The following RPS6KA2 variants were observed in gnomAD, a reference collection of about 807,000 sequenced individuals.
The protein encoded by RPS6KA2 is ribosomal protein S6 kinase alpha-2.
In RPS6KA2, 42 loss-of-function variants were observed where a neutral mutation model predicts 91.8. The observed-to-expected ratio is 0.46, with a 90% CI of 0.36 to 0.59. RPS6KA2 has a LOEUF of 0.59. Among genes scored for constraint, RPS6KA2 ranks in the 20% least tolerant of loss-of-function variants. The pLI is 0.00. For missense variants in RPS6KA2, 798 were observed against 978.5 expected (o/e 0.82, Z 2.46); for synonymous variants, 414 against 393.6 (o/e 1.05, Z -0.61).
At chr6:166,772,458 A>G (rs982250238) in intron 2 of RPS6KA2, among the ~76,000 whole-genome samples, 1 of 152,388 alleles carries the variant, frequency 6.6e-6, no homozygotes, top group South Asian at 2.1e-4. Flanking sequence ...GCTGGGATTC[A>G]GACCCACCAG....
intron 2 of RPS6KA2, among the ~76,000 whole-genome samples, chr6:166,634,272 G>T (rs2128547010): frequency 6.6e-6 from 1 of 152,310 alleles, no homozygotes; most frequent in Middle Eastern, 3.4e-3. Context: ...CACAGTGATG[G>T]AGAGCAAGAG....
At chr6:166,556,947 G>GA (rs1224884137) in intron 1 of RPS6KA2, among the ~76,000 whole-genome samples, 2 of 152,238 alleles carry the variant, frequency 1.3e-5, no homozygotes, top group African/African-American at 4.8e-5. Flanking sequence ...GCTGGGCGTG[G>GA]ACTCAGTGTG....
intron 2 of RPS6KA2, among the ~76,000 whole-genome samples, chr6:166,808,651 G>A (rs1779553887): frequency 6.6e-6 from 1 of 152,104 alleles, no homozygotes. Flanking sequence ...GTTCAGTATT[G>A]ACCATATTTA....
chr6:166,789,366 C>T (rs568175522), intron 2 of RPS6KA2, among the ~76,000 whole-genome samples: 5 of 152,358 alleles, frequency 3.3e-5, no homozygotes, highest in East Asian at 3.9e-4. Context: ...CTGGGAAGCT[C>T]GAACTGGGTG....
intron 2 of RPS6KA2, among the ~76,000 whole-genome samples, chr6:166,846,229 C>A (rs1429609754): frequency 2.0e-5 from 3 of 150,370 alleles, no homozygotes; most frequent in Non-Finnish European, 3.0e-5. Flanking sequence ...AAATTGCCAA[C>A]AAAAAAAAAG....
At chr6:166,736,069 T>C (rs1054246846) in intron 2 of RPS6KA2, among the ~76,000 whole-genome samples, 6 of 152,256 alleles carry the variant, frequency 3.9e-5, no homozygotes, top group Non-Finnish European at 7.3e-5. Context: ...CAGCTGATTT[T>C]CTAGTTATTT....
At position 166,666,835 on chromosome 6, in the gene RPS6KA2, ATCAT is replaced by A. The variant is rs1363083023; in HGVS notation, c.124-128055_124-128052del. Among the ~76,000 whole-genome samples the A allele has an allele frequency of 6.6e-5, 10 of 152,264 alleles. No homozygotes were observed. Among genetic ancestry groups the A allele is most frequent in the African/African-American group, 2.4e-4 (10 of 41,464 alleles). ...TTTGTACACTCACATTCATAGCAGC[ATCAT>A]TCACAGTAGCCAAAAGATGGAAGCA... On this transcript the variant is annotated intron_variant, in intron 2 of 21. Transcript: ENST00000503859. The surrounding 1 kb of genome is among the most constrained non-coding windows in gnomAD (Gnocchi z 4.0).
intron 11 of RPS6KA2, among the ~76,000 whole-genome samples, chr6:166,467,082 C>T (rs28567430): frequency 1.4e-5 from 2 of 147,302 alleles, no homozygotes; most frequent in Non-Finnish European, 3.0e-5. Flanking sequence ...TCACTCACTC[C>T]CTCACTCATT....
intron 2 of RPS6KA2, among the ~76,000 whole-genome samples, chr6:166,786,105 G>C (rs1778922698): frequency 6.6e-6 from 1 of 152,184 alleles, no homozygotes; most frequent in African/African-American, 2.4e-5. Context: ...GTTAGGAACA[G>C]TGACTCCTCC....
At chr6:166,829,667 T>TA (rs1436732025) in intron 2 of RPS6KA2, among the ~76,000 whole-genome samples, 1 of 151,404 alleles carries the variant, frequency 6.6e-6, no homozygotes, top group African/African-American at 2.4e-5. Context: ...AGCAGAGACT[T>TA]AAACAGGTAT....
rs959426582 is a variant in RPS6KA2, at chr6:166,434,767, T to C, written c.1333-2277A>G. ...AGTAAACAAGAAAGTGGGAGCTTTTTCTCCACCGCCACGGACCATCTTCAA... is the reference window on the plus strand; with the variant it reads ...AGTAAACAAGAAAGTGGGAGCTTTTCCTCCACCGCCACGGACCATCTTCAA... On this transcript the variant is annotated intron_variant, in intron 14 of 20. Transcript: ENST00000265678. The surrounding 1 kb of genome is among the most constrained non-coding windows in gnomAD (Gnocchi z 4.4). Among the ~76,000 whole-genome samples, 1 of 152,160 alleles carries C rather than the reference T, an allele frequency of 6.6e-6. No homozygotes were observed. Among genetic ancestry groups the C allele is most frequent in the African/African-American group, 2.4e-5 (1 of 41,432 alleles).
intron 2 of RPS6KA2, among the ~76,000 whole-genome samples, chr6:166,806,047 G>A (rs2182853): frequency 0.042 from 6,319 of 152,120 alleles, 556 homozygotes; most frequent in East Asian, 0.39. Context: ...TTTAAGGATC[G>A]GAAAATGGAA....
intron 2 of RPS6KA2, among the ~76,000 whole-genome samples, chr6:166,788,583 G>T (rs534771210): frequency 1.2e-3 from 179 of 152,264 alleles, no homozygotes; most frequent in African/African-American, 4.1e-3. Flanking sequence ...AACTAACACA[G>T]AAACAGAAAA....
At chr6:166,414,079 T>C in intron 19 of RPS6KA2, 148 bp from the exon 20 acceptor site, 1 of 620,692 alleles carries the variant, frequency 1.6e-6, no homozygotes, top group Admixed American at 3.6e-5. Context: ...TCATGTTCAC[T>C]TTCAGGTTTA....
At chr6:166,571,239 C>T (rs148692513) in intron 1 of RPS6KA2, among the ~76,000 whole-genome samples, 14 of 152,316 alleles carry the variant, frequency 9.2e-5, no homozygotes, top group African/African-American at 2.6e-4. Context: ...GGTGAAAAAT[C>T]GAGTCCTTCT....
intron 2 of RPS6KA2, among the ~76,000 whole-genome samples, chr6:166,833,741 A>C (rs1242695018): frequency 2.0e-5 from 3 of 152,232 alleles, no homozygotes; most frequent in African/African-American, 7.2e-5. Flanking sequence ...TAGACGCAGA[A>C]CACAATCTGT....
At chr6:166,824,807 A>ATGTC (rs1780004702) in intron 2 of RPS6KA2, among the ~76,000 whole-genome samples, 1 of 133,586 alleles carries the variant, frequency 7.5e-6, no homozygotes, top group Non-Finnish European at 1.6e-5. Flanking sequence ...CTGTGTGTCT[A>ATGTC]TGTGTGTCTG....
In RPS6KA2 at chr6:166,655,080, C is replaced by T. The variant is rs1252625364; in HGVS notation, c.124-116296G>A. Among the ~76,000 whole-genome samples the T allele has an allele frequency of 2.0e-5, 3 of 152,226 alleles. No individual in the cohort carries two copies. The East Asian group carries it at 5.8e-4, about 29-fold the overall frequency. On this transcript the variant is annotated intron_variant, in intron 2 of 21. Transcript: ENST00000503859. ...ACTGACAACCCACCGCAACCCCAAA[C>T]TTTACAACTATTTCACCCAACTCTT...
chr6:166,667,337 T>C (rs1788344073), intron 2 of RPS6KA2, among the ~76,000 whole-genome samples: 1 of 152,232 alleles, frequency 6.6e-6, no homozygotes, highest in East Asian at 1.9e-4. Context: ...TAACAGCACA[T>C]AGTTACACAT....
Sources: allele counts gnomAD v4.1 joint callset (sites outside exome capture counted in the v4.1 genomes callset), GRCh38; gene constraint gnomAD v4.1.1; non-coding constraint Gnocchi (gnomAD v3.1); transcripts MANE v1.5; gene names NCBI Gene and HGNC (gene_info 2026-07-23, HGNC 2026-07-21).